Variants in PSMD11 observed in about 807,000 individuals in gnomAD.
The protein encoded by PSMD11 is 26S proteasome non-ATPase regulatory subunit 11.
PSMD11 carries 5 observed loss-of-function variants against 62.3 expected under a neutral mutation model. That is an observed-to-expected ratio of 0.08 (90% confidence interval 0.04 to 0.17). The LOEUF is 0.17. Ranked by LOEUF, PSMD11 falls within the 10% of genes least tolerant of loss-of-function variation. The pLI, the probability that PSMD11 is intolerant of heterozygous loss-of-function variation, is 1.00. For synonymous variants in PSMD11, 191 were observed against 191.8 expected (o/e 1.00, Z 0.03); for missense variants, 310 against 512.9 (o/e 0.60, Z 3.82).
At chr17:32,456,739 G>C (rs1597833199) in intron 3 of PSMD11, among the ~76,000 whole-genome samples, 2 of 152,238 alleles carry the variant, frequency 1.3e-5, no homozygotes, top group Non-Finnish European at 2.9e-5. Flanking sequence ...CACAGTGTTA[G>C]TCAGGATGGT....
At chr17:32,459,111 A>AATACATATATAT (rs1567853675) in intron 3 of PSMD11, among the ~76,000 whole-genome samples, 5 of 43,774 alleles carry the variant, frequency 1.1e-4, no homozygotes, top group African/African-American at 3.2e-4. Flanking sequence ...AAAAAAAAAA[A>AATACATATATAT]ATACATATAT....
Position 32,480,558 on chromosome 17 carries a change from C to T in PSMD11, c.1196C>T (p.Ala399Val). Residue 399 changes from alanine to valine, a missense_variant, in exon 13 of 14, where the codon GCT becomes GTT. Coordinates refer to ENST00000261712, the MANE Select transcript of PSMD11 (RefSeq NM_002815.4). The part of the protein sequence containing the change: ...DEPPVDKTYE[A>V]ALETIQNMSK... ...CCCCCAGTAGATAAAACTTACGAAG[C>T]TGCTCTGGAAACAATTCAGAACATG... The T allele has an allele frequency of 6.2e-7, 1 of 1,614,050 alleles. No homozygotes were observed. The highest frequency in any genetic ancestry group is 8.5e-7 in the Non-Finnish European group (1 of 1,179,904).
intron 2 of PSMD11, among the ~76,000 whole-genome samples, chr17:32,448,936 G>T (rs1475562379): frequency 6.6e-6 from 1 of 152,140 alleles, no homozygotes. Flanking sequence ...TTGGTGGGTG[G>T]TGTCTTTTCA....
chr17:32,448,907 C>T (rs1907409568), intron 2 of PSMD11, among the ~76,000 whole-genome samples: 1 of 152,146 alleles, frequency 6.6e-6, no homozygotes, highest in African/African-American at 2.4e-5. Flanking sequence ...CTATAACTGT[C>T]TACTTAAATG....
intron 11 of PSMD11, 77 bp downstream of exon 11, chr17:32,479,963 C>T (rs1453844769): frequency 1.0e-5 from 16 of 1,541,798 alleles, no homozygotes; most frequent in Admixed American, 6.7e-5. Flanking sequence ...ACCTGATTGG[C>T]CTCATTGGAA....
chr17:32,461,650 C>T (rs2150833557), intron 3 of PSMD11, among the ~76,000 whole-genome samples: 1 of 149,854 alleles, frequency 6.7e-6, no homozygotes, highest in East Asian at 1.9e-4. Context: ...AAAAAAAAAT[C>T]CTTGCTGTAG....
chr17:32,479,610 T>C (rs904291742), intron 10 of PSMD11: 1 of 700,042 alleles, frequency 1.4e-6, no homozygotes, highest in Admixed American at 2.9e-5. Context: ...TCCTCGCTTT[T>C]AGTCACTGCA....
At chr17:32,462,502 A>G (rs1486879377) in intron 3 of PSMD11, among the ~76,000 whole-genome samples, 1 of 152,222 alleles carries the variant, frequency 6.6e-6, no homozygotes, top group Non-Finnish European at 1.5e-5. Context: ...GAGATTAGGT[A>G]GCCACCAGGG....
Position 32,479,851 on chromosome 17 carries a change from A to G in PSMD11, c.1039A>G (p.Ile347Val). ...RVIEPFSRVQ[I>V]EHISSLIKLS... ...GGTGTCTCTCTGCCTTTCCTTTTAG[A>G]TTGAACACATATCTAGTCTCATCAA... is the stretch of plus-strand genomic sequence containing the variant. The change falls in exon 11 of 14, where the codon ATT becomes GTT. Residue 347 changes from isoleucine (I) to valine (V), a missense_variant and splice_region_variant. Physicochemically the swap from Ile to Val is conservative, Grantham distance 29. Around this residue, in one of 6 missense-constraint regions of PSMD11, gnomAD observed 135 missense variants for 195.4 expected, o/e 0.69. Coordinates refer to ENST00000261712, the MANE Select transcript of PSMD11 (RefSeq NM_002815.4). The G allele has an allele frequency of 6.2e-7, 1 of 1,613,588 alleles. No homozygotes were observed. Among genetic ancestry groups the G allele is most frequent in the Non-Finnish European group, 8.5e-7 (1 of 1,179,560 alleles).
chr17:32,449,680 G>T (rs979859774), intron 2 of PSMD11, among the ~76,000 whole-genome samples: 4 of 152,114 alleles, frequency 2.6e-5, no homozygotes, highest in Non-Finnish European at 5.9e-5. Flanking sequence ...GTTACTTATT[G>T]TTTTCTAAGA....
intron 3 of PSMD11, among the ~76,000 whole-genome samples, chr17:32,457,318 G>C (rs1907680504): frequency 6.6e-6 from 1 of 151,608 alleles, no homozygotes. Context: ...GCTCACTGCA[G>C]CCTCAACCTC....
At chr17:32,470,109 C>A (rs1908119674) in intron 6 of PSMD11, among the ~76,000 whole-genome samples, 1 of 151,850 alleles carries the variant, frequency 6.6e-6, no homozygotes, top group Non-Finnish European at 1.5e-5. Flanking sequence ...ACTTCCTGGG[C>A]TCAAGTGATC....
At position 32,469,040 on chromosome 17, in the gene PSMD11, G is replaced by A. The variant is rs1908080137; in HGVS notation, c.490G>A (p.Ala164Thr). The change falls in exon 6 of 14, where the codon GCT becomes ACT. Residue 164 changes from alanine (A) to threonine (T), a missense_variant. Around this residue, in one of 6 missense-constraint regions of PSMD11, gnomAD observed 47 missense variants for 59.0 expected, o/e 0.80. Coordinates refer to ENST00000261712, the MANE Select transcript of PSMD11 (RefSeq NM_002815.4). ...LRELKKMDDK[A>T]LLVEVQLLES... The stretch of plus-strand genomic sequence containing the variant: ...GGAGTTGAAAAAGATGGACGACAAA[G>A]CTCTTTTGGTGGAAGTACAGCTTTT... 6.2e-7 allele frequency: 1 copy of A among 1,613,870 alleles called. No homozygotes were observed. The highest frequency in any genetic ancestry group is 8.5e-7 in the Non-Finnish European group (1 of 1,179,988).
intron 2 of PSMD11, among the ~76,000 whole-genome samples, chr17:32,448,355 C>CT (rs891283299): frequency 2.5e-4 from 36 of 145,426 alleles, no homozygotes; most frequent in South Asian, 1.1e-3. Context: ...GTGCTATGAA[C>CT]TTTTTTTTTT....
intron 3 of PSMD11, among the ~76,000 whole-genome samples, chr17:32,463,185 G>C (rs1907891487): frequency 6.6e-6 from 1 of 152,176 alleles, no homozygotes; most frequent in African/African-American, 2.4e-5. Context: ...AGCATGTCAG[G>C]GATACCTGAT....
chr17:32,458,681 A>G (rs1907720209), intron 3 of PSMD11, among the ~76,000 whole-genome samples: 1 of 152,218 alleles, frequency 6.6e-6, no homozygotes. Flanking sequence ...CAAATTCCTT[A>G]ACCATGGCTA....
At chr17:32,468,447 TTA>T (rs1221590641) in intron 5 of PSMD11, among the ~76,000 whole-genome samples, 1 of 152,236 alleles carries the variant, frequency 6.6e-6, no homozygotes, top group Non-Finnish European at 1.5e-5. Context: ...TCTAGAAGTT[TTA>T]TAGGTTTCAC....
chr17:32,451,155 T>C (rs1405729429), intron 2 of PSMD11, among the ~76,000 whole-genome samples: 2 of 150,656 alleles, frequency 1.3e-5, no homozygotes, highest in African/African-American at 4.9e-5. Flanking sequence ...AAAAGACATG[T>C]AGGGGGACAA....
chr17:32,477,658 A>C, intron 9 of PSMD11, 75 bp downstream of exon 9: 1 of 1,317,590 alleles, frequency 7.6e-7, no homozygotes, highest in Non-Finnish European at 1.1e-6. Flanking sequence ...ACACACTTTT[A>C]AAAATAATTA....
Sources: gnomAD v4.1 joint callset for allele counts (sites outside exome capture counted in the v4.1 genomes callset) on GRCh38, gnomAD v4.1.1 for gene constraint, gnomAD v4.1.1 regional missense constraint, MANE v1.5 for transcripts, NCBI Gene and HGNC (gene_info 2026-07-23, HGNC 2026-07-21) for gene names.